The following SUCO variants were observed in gnomAD, a reference collection of about 807,000 sequenced individuals.
The protein encoded by SUCO is SUN domain containing ossification factor.
In SUCO, 57 loss-of-function variants were observed where a neutral mutation model predicts 148.1. The observed-to-expected ratio is 0.38, with a 90% CI of 0.31 to 0.48. SUCO has a LOEUF of 0.48. Ranked by LOEUF, SUCO falls within the 20% of genes least tolerant of loss-of-function variation. The pLI, the probability that SUCO is intolerant of heterozygous loss-of-function variation, is 0.96. For synonymous variants in SUCO, 470 were observed against 502.7 expected (o/e 0.93, Z 0.87); for missense variants, 1,331 against 1,468.2 (o/e 0.91, Z 1.53).
intron 15 of SUCO, among the ~76,000 whole-genome samples, chr1:172,581,325 A>G (rs1655871930): frequency 6.6e-6 from 1 of 152,146 alleles, no homozygotes; most frequent in African/African-American, 2.4e-5. Context: ...GTATTGAAAG[A>G]ATTTATACAG....
intron 9 of SUCO, among the ~76,000 whole-genome samples, chr1:172,571,294 C>G (rs563965757): frequency 2.6e-5 from 4 of 152,220 alleles, no homozygotes; most frequent in African/African-American, 9.6e-5. Flanking sequence ...CTCCTAACTG[C>G]GAGTGATCCG....
chr1:172,571,414 T>C (rs1432720127), intron 9 of SUCO, among the ~76,000 whole-genome samples: 1 of 151,944 alleles, frequency 6.6e-6, no homozygotes, highest in African/African-American at 2.4e-5. Context: ...CGCTACAACC[T>C]CCACCTCCCA....
chr1:172,539,919 CAG>C (rs1223481592), intron 1 of SUCO, among the ~76,000 whole-genome samples: 1 of 152,126 alleles, frequency 6.6e-6, no homozygotes, highest in Admixed American at 6.5e-5. Context: ...TGTTACAATA[CAG>C]ATAGTGGTGT....
Position 172,591,072 on chromosome 1 carries a change from G to T in SUCO, c.2913+1G>T. 6.2e-7 allele frequency: 1 copy of T among 1,608,024 alleles called. No homozygotes were observed. The highest frequency in any genetic ancestry group is 8.5e-7 in the Non-Finnish European group (1 of 1,177,064). On this transcript the variant is annotated splice_donor_variant, in intron 19 of 23. Coordinates refer to ENST00000263688, the MANE Select transcript of SUCO (RefSeq NM_014283.5). LOFTEE classifies it high-confidence loss of function. ...TACTTCAAGAATAGCAGAGGAGCAG[G>T]TTGGTTTCTACATCCCTTATTTACT...
intron 19 of SUCO, among the ~76,000 whole-genome samples, chr1:172,593,896 G>C (rs570211407): frequency 2.0e-5 from 3 of 152,226 alleles, no homozygotes; most frequent in Non-Finnish European, 2.9e-5. Flanking sequence ...CTGTGAATCT[G>C]TCTGGTCCTG....
rs1270534953 is a variant in SUCO at position 172,571,677 on chromosome 1, T to G, written c.1049+947T>G. 1.3e-3 allele frequency among the ~76,000 whole-genome samples: 137 copies of G among 109,510 alleles called. 2 individuals carry two copies. Among genetic ancestry groups the G allele is most frequent in the Admixed American group, 1.5e-3 (16 of 11,020 alleles). 71.8% of individuals were successfully genotyped at this position (109,510 alleles called of 152,430 possible). On this transcript the variant is annotated intron_variant, in intron 9 of 23. Coordinates refer to ENST00000263688, the MANE Select transcript of SUCO (RefSeq NM_014283.5). Reference sequence around the variant, plus strand: ...AGGAGCTTCTCTGCCCGGCCGCCCATCGTCTGAGATGTGGGGAGCGCCTCT... The same window carrying G: ...AGGAGCTTCTCTGCCCGGCCGCCCAGCGTCTGAGATGTGGGGAGCGCCTCT...
chr1:172,556,758 T>A (rs1473409747), intron 4 of SUCO: 1 of 980,070 alleles, frequency 1.0e-6, no homozygotes, highest in Non-Finnish European at 1.2e-6. Context: ...ATTTAAACTT[T>A]TAAATTTAAA....
At chr1:172,550,222 CT>C (rs1456684474) in intron 1 of SUCO, among the ~76,000 whole-genome samples, 2 of 151,886 alleles carry the variant, frequency 1.3e-5, no homozygotes, top group African/African-American at 4.8e-5. Context: ...AAAAGTCTCC[CT>C]TTTTACCACC....
chr1:172,562,196 C>T (rs1415902867), intron 6 of SUCO, among the ~76,000 whole-genome samples: 7 of 152,076 alleles, frequency 4.6e-5, no homozygotes, highest in Non-Finnish European at 8.8e-5. Flanking sequence ...GAAAAACTCA[C>T]AGGAGCTCAC....
intron 11 of SUCO, chr1:172,577,239 G>A (rs1449320703): frequency 1.1e-5 from 2 of 174,142 alleles, no homozygotes; most frequent in Non-Finnish European, 2.3e-5. Context: ...CTTTTAGAAT[G>A]CTTTCTATCT....
At chr1:172,555,381 T>C (rs1387295932) in intron 3 of SUCO, 3 of 985,260 alleles carry the variant, frequency 3.0e-6, no homozygotes, top group African/African-American at 3.5e-5. Context: ...TTTGGAGGAC[T>C]GAAAGGCCCA....
Position 172,555,960 on chromosome 1 carries a change from G to C in SUCO, c.380G>C (p.Ser127Thr). ...GAGTCTTCCAATGCAGTTGTGGACA[G>C]TGAAACTGTTGAAAATATTTCCAGC... Reference protein sequence around the residue: ...HEESSNAVVDSETVENISSSS... With the variant: ...HEESSNAVVDTETVENISSSS... Residue 127 changes from serine to threonine, a missense_variant, in exon 4 of 24, where the codon AGT becomes ACT. Around this residue, in one of 3 missense-constraint regions of SUCO, gnomAD observed 992 missense variants for 1,093.5 expected, o/e 0.91. Transcript: ENST00000263688. 2 of 1,613,538 alleles carry C rather than the reference G, an allele frequency of 1.2e-6. No individual in the cohort carries two copies. Among genetic ancestry groups the C allele is most frequent in the Non-Finnish European group, 1.7e-6 (2 of 1,179,726 alleles).
intron 1 of SUCO, among the ~76,000 whole-genome samples, chr1:172,533,972 C>CT (rs1373821636): frequency 6.6e-6 from 1 of 152,134 alleles, no homozygotes; most frequent in Non-Finnish European, 1.5e-5. Context: ...CAGTAGTTCT[C>CT]CTGGACATTT....
chr1:172,555,591 C>A (rs1653682268), intron 3 of SUCO, among the ~76,000 whole-genome samples: 2 of 152,130 alleles, frequency 1.3e-5, no homozygotes, highest in Non-Finnish European at 2.9e-5. Flanking sequence ...AGAGGGAAAT[C>A]TCTGTAGGTC....
intron 3 of SUCO, 62 bp from the exon 4 acceptor site, chr1:172,555,807 C>A: frequency 1.5e-6 from 2 of 1,314,784 alleles, no homozygotes; most frequent in South Asian, 1.7e-5. Flanking sequence ...AATGCCCGTT[C>A]TGCTAAAGAG....
At chr1:172,575,885 G>T (rs1655400240) in intron 11 of SUCO, among the ~76,000 whole-genome samples, 1 of 151,522 alleles carries the variant, frequency 6.6e-6, no homozygotes, top group South Asian at 2.1e-4. Flanking sequence ...TAAGTTTTTT[G>T]AGTCTTTATG....
chr1:172,567,408 C>A (rs1394185851), intron 6 of SUCO, among the ~76,000 whole-genome samples: 5 of 152,082 alleles, frequency 3.3e-5, no homozygotes, highest in Middle Eastern at 3.2e-3. Flanking sequence ...CTCAGTATTC[C>A]TTCTCTTGTC....
chr1:172,543,751 A>G (rs1254800168), intron 1 of SUCO, among the ~76,000 whole-genome samples: 2 of 152,148 alleles, frequency 1.3e-5, no homozygotes, highest in Non-Finnish European at 2.9e-5. Context: ...TAAGCTGTAC[A>G]ATTGCACGTG....
intron 10 of SUCO, 65 bp downstream of exon 10, chr1:172,574,063 A>C (rs1655247683): frequency 1.1e-6 from 1 of 944,756 alleles, no homozygotes; most frequent in African/African-American, 1.7e-5. Context: ...AAACAAAAAA[A>C]CAAAAAAGTG....
Sources: allele counts gnomAD v4.1 joint callset (sites outside exome capture counted in the v4.1 genomes callset), GRCh38; gene constraint gnomAD v4.1.1; regional missense constraint gnomAD v4.1.1; transcripts MANE v1.5; gene names NCBI Gene and HGNC (gene_info 2026-07-23, HGNC 2026-07-21).